Variants in CLVS1 observed in about 807,000 individuals in gnomAD.
CLVS1 encodes clavesin-1.
CLVS1 carries 10 observed loss-of-function variants against 33.1 expected under a neutral mutation model. The observed-to-expected ratio is 0.30, with a 90% confidence interval of 0.19 to 0.51. The LOEUF (loss-of-function observed/expected upper bound fraction) is 0.51. CLVS1 is among the 20% of genes least tolerant of loss of function. CLVS1 has a pLI of 0.97. For missense variants in CLVS1, 343 were observed against 433.4 expected, an observed-to-expected ratio of 0.79 and a Z score of 1.85; for synonymous variants, 163 against 166.1, an observed-to-expected ratio of 0.98 and a Z score of 0.14.
chr8:61,295,991 T>C (rs1416601624), intron 1 of CLVS1, among the ~76,000 whole-genome samples: 1 of 152,208 alleles, frequency 6.6e-6, no homozygotes, highest in Admixed American at 6.5e-5. Flanking sequence ...ACAAGTTCAA[T>C]GTATCCATTT....
chr8:61,264,473 G>A (rs187209074), intron 2 of CLVS1, among the ~76,000 whole-genome samples: 2 of 152,276 alleles, frequency 1.3e-5, no homozygotes, highest in African/African-American at 4.8e-5. Context: ...TCTTTTAACA[G>A]CAGGAGTAAA....
chr8:61,260,747 G>A (rs769921508), intron 2 of CLVS1, among the ~76,000 whole-genome samples: 1 of 152,164 alleles, frequency 6.6e-6, no homozygotes, highest in Non-Finnish European at 1.5e-5. Context: ...TCTTTTGTCC[G>A]GTTTCCATTT....
intron 3 of CLVS1, among the ~76,000 whole-genome samples, chr8:61,381,048 C>A (rs1347325155): frequency 1.3e-5 from 2 of 151,934 alleles, no homozygotes; most frequent in Non-Finnish European, 2.9e-5. Flanking sequence ...ATCCAGAAAG[C>A]TATCTATTTT....
At chr8:61,117,839 T>C (rs2129289248) in intron 1 of CLVS1, among the ~76,000 whole-genome samples, 1 of 151,248 alleles carries the variant, frequency 6.6e-6, no homozygotes, top group South Asian at 2.1e-4. Flanking sequence ...TTCTCTTTTT[T>C]TGTTGTGTCT....
the CLVS1 span, among the ~76,000 whole-genome samples, chr8:61,012,945 T>G: frequency 6.6e-6 from 1 of 152,218 alleles, no homozygotes; most frequent in Non-Finnish European, 1.5e-5. Context: ...TAAACTGCAG[T>G]CACAGAGGGT....
At chr8:60,997,864 C>G in the CLVS1 span, among the ~76,000 whole-genome samples, 1 of 152,118 alleles carries the variant, frequency 6.6e-6, no homozygotes, top group Non-Finnish European at 1.5e-5. Context: ...AACTAATGTT[C>G]TAAGATTCAA....
chr8:61,087,939 T>G (rs1257288980), intron 1 of CLVS1, among the ~76,000 whole-genome samples: 1 of 152,252 alleles, frequency 6.6e-6, no homozygotes, highest in Non-Finnish European at 1.5e-5. Context: ...TCCTATCTTT[T>G]GTCCTGCTCC....
chr8:61,232,813 G>A (rs1343462264), intron 2 of CLVS1, among the ~76,000 whole-genome samples: 1 of 152,100 alleles, frequency 6.6e-6, no homozygotes, highest in Non-Finnish European at 1.5e-5. Context: ...GGGACTAGTT[G>A]GACAAACGGC....
chr8:61,293,248 A>G (rs1245856611), intron 1 of CLVS1, among the ~76,000 whole-genome samples: 2 of 152,180 alleles, frequency 1.3e-5, no homozygotes, highest in Admixed American at 1.3e-4. Context: ...ATCCTTGTAG[A>G]CTACTCTCCC....
At chr8:61,013,319 T>C in the CLVS1 span, among the ~76,000 whole-genome samples, 1 of 152,246 alleles carries the variant, frequency 6.6e-6, no homozygotes, top group African/African-American at 2.4e-5. Flanking sequence ...ATATAGAGCC[T>C]TCTTTGAATG....
chr8:61,273,079 G>A (rs1206075763), intron 2 of CLVS1, among the ~76,000 whole-genome samples: 3 of 150,968 alleles, frequency 2.0e-5, no homozygotes, highest in East Asian at 1.9e-4. Context: ...GCTTTTTAGA[G>A]TTTCCAGTTT....
At chr8:60,967,952 A>G in the CLVS1 span, among the ~76,000 whole-genome samples, 1 of 152,046 alleles carries the variant, frequency 6.6e-6, no homozygotes, top group Non-Finnish European at 1.5e-5. Context: ...TAATTTATTT[A>G]TTTAGAGACA....
intron 2 of CLVS1, among the ~76,000 whole-genome samples, chr8:61,142,989 G>T (rs967222520): frequency 1.3e-5 from 2 of 152,166 alleles, no homozygotes; most frequent in Non-Finnish European, 2.9e-5. Context: ...ATTCTTGTTT[G>T]AATTACCTGA....
intron 2 of CLVS1, among the ~76,000 whole-genome samples, chr8:61,308,554 C>T (rs1001325332): frequency 3.3e-5 from 5 of 152,044 alleles, no homozygotes; most frequent in Admixed American, 2.0e-4. Context: ...CAATGTTATC[C>T]GGTAGAACCG....
At chr8:61,152,557 T>A (rs150695536) in intron 2 of CLVS1, among the ~76,000 whole-genome samples, 2,641 of 152,260 alleles carry the variant, frequency 0.017, 32 homozygotes, top group African/African-American at 0.027. Flanking sequence ...AAAGGGTCAA[T>A]ATTGTGTCTT....
chr8:61,133,836 G>A (rs751080019), intron 2 of CLVS1, among the ~76,000 whole-genome samples: 2 of 152,144 alleles, frequency 1.3e-5, no homozygotes, highest in Non-Finnish European at 1.5e-5. Context: ...AGGATCTCAC[G>A]GTTCCTGGGA....
intron 2 of CLVS1, among the ~76,000 whole-genome samples, chr8:61,218,461 TA>T (rs1385240354): frequency 6.6e-6 from 1 of 151,620 alleles, no homozygotes; most frequent in Non-Finnish European, 1.5e-5. Context: ...ATTGATTTCA[TA>T]GAAGTAAAAA....
the CLVS1 span, among the ~76,000 whole-genome samples, chr8:60,986,734 A>T: frequency 6.6e-6 from 1 of 152,262 alleles, no homozygotes; most frequent in African/African-American, 2.4e-5. Flanking sequence ...TCATGCACTC[A>T]CTAAAGGGCA....
At chr8:61,265,710 G>C (rs1809290572) in intron 2 of CLVS1, among the ~76,000 whole-genome samples, 1 of 152,086 alleles carries the variant, frequency 6.6e-6, no homozygotes, top group African/African-American at 2.4e-5. Flanking sequence ...TTCCTAACTT[G>C]TTGCCTGCTC....
Sources: gnomAD v4.1 joint callset for allele counts (sites outside exome capture counted in the v4.1 genomes callset) on GRCh38, gnomAD v4.1.1 for gene constraint, MANE v1.5 for transcripts, NCBI Gene and HGNC (gene_info 2026-07-23, HGNC 2026-07-21) for gene names.